The following MECOM variants were observed in gnomAD, a reference collection of about 807,000 sequenced individuals.
MECOM encodes MDS1 and EVI1 complex locus.
MECOM carries 13 observed loss-of-function variants against 116.3 expected under a neutral mutation model. The ratio of observed to expected loss-of-function variants is 0.11; its 90% CI spans 0.07 to 0.18. MECOM has a LOEUF of 0.18. MECOM is among the 10% of genes least tolerant of loss of function. The pLI is 1.00. For missense variants in MECOM, 1,299 were observed against 1,509.0 expected (o/e 0.86, Z 2.31); for synonymous variants, 528 against 535.2 (o/e 0.99, Z 0.19).
intron 2 of MECOM, among the ~76,000 whole-genome samples, chr3:169,150,014 C>T (rs1467074072): frequency 1.3e-5 from 2 of 151,098 alleles, no homozygotes; most frequent in African/African-American, 2.4e-5. Flanking sequence ...TCTCCCTCCC[C>T]TCTCCCCCAC....
At chr3:169,391,146 G>A (rs1477016824) in intron 1 of MECOM, among the ~76,000 whole-genome samples, 1 of 152,116 alleles carries the variant, frequency 6.6e-6, no homozygotes, top group Non-Finnish European at 1.5e-5. Context: ...CTGGTAAAAC[G>A]GAATATGAGC....
chr3:169,160,103 T>C (rs1742626907), intron 2 of MECOM, among the ~76,000 whole-genome samples: 1 of 152,198 alleles, frequency 6.6e-6, no homozygotes, highest in Non-Finnish European at 1.5e-5. Context: ...AACAAATATT[T>C]TGTCCCTTTA....
At position 169,646,624 on chromosome 3, in the gene MECOM, G is replaced by A. The variant is rs79274251; in HGVS notation, c.37+16712C>T. On this transcript the variant is annotated intron_variant, in intron 1 of 16. Coordinates refer to ENST00000651503, the MANE Select transcript of MECOM (RefSeq NM_004991.4). ...AAAACAAAATTGAGGATAAGTGAAC[G>A]AGACTTGGTCTCAAGTATTGTACAA... Among the ~76,000 whole-genome samples the A allele has an allele frequency of 8.3e-3, 1,258 of 151,952 alleles. 36 individuals are homozygous for A. In the East Asian group the frequency reaches 0.089, roughly 11 times the overall value.
chr3:169,097,817 T>TAGAAAAAAAAAAAA (rs1553818439), intron 12 of MECOM, among the ~76,000 whole-genome samples: 1 of 87,194 alleles, frequency 1.1e-5, no homozygotes, highest in African/African-American at 3.9e-5. Flanking sequence ...ACTGTCTATA[T>TAGAAAAAAAAAAAA]AAAAAAAAAA....
chr3:169,458,054 G>A (rs1335500181), intron 1 of MECOM, among the ~76,000 whole-genome samples: 1 of 152,214 alleles, frequency 6.6e-6, no homozygotes, highest in Non-Finnish European at 1.5e-5. Context: ...CTGGGAAAGG[G>A]TAATCAGATC....
At chr3:169,645,710 C>T (rs1414530617) in intron 1 of MECOM, among the ~76,000 whole-genome samples, 1 of 152,260 alleles carries the variant, frequency 6.6e-6, no homozygotes, top group East Asian at 1.9e-4. Context: ...TAAAGACAAC[C>T]CTATGCCTGT....
rs114443270 is a variant in MECOM at position 169,471,383 on chromosome 3, C to T, written c.38-89859G>A. On this transcript the variant is annotated intron_variant, in intron 1 of 16. Transcript: ENST00000651503. ...CTCAGGAAAAAAAAAAAAATTCCTG[C>T]TTTAAATTCTAGACACCTATCCTGT... Among the ~76,000 whole-genome samples, 1,493 of 151,494 alleles carry T rather than the reference C, an allele frequency of 9.9e-3. 28 individuals are homozygous for T. The highest frequency in any genetic ancestry group is 0.035 in the African/African-American group (1,436 of 41,192).
intron 2 of MECOM, among the ~76,000 whole-genome samples, chr3:169,371,370 G>A (rs1046270481): frequency 6.6e-6 from 1 of 151,928 alleles, no homozygotes; most frequent in Non-Finnish European, 1.5e-5. Context: ...GGGGAAATGG[G>A]GAGATGTTGG....
intron 2 of MECOM, among the ~76,000 whole-genome samples, chr3:169,270,111 G>A (rs917947101): frequency 5.3e-5 from 8 of 152,104 alleles, no homozygotes; most frequent in African/African-American, 1.9e-4. Context: ...AAAGGACAAT[G>A]TATAGTAGTT....
Position 169,089,992 on chromosome 3 carries a change from G to T in MECOM, c.3401+8C>A. 1 of 1,611,698 alleles carries T rather than the reference G, an allele frequency of 6.2e-7. No homozygotes were observed. On this transcript the variant is annotated splice_region_variant and intron_variant, in intron 15 of 16. Transcript: ENST00000651503. Reference sequence around the variant, plus strand: ...AGCTTAGTTTCTAAAGTCACCCAAGGTACTCACCTCACTGGGGATGTCTTG... The same window carrying T: ...AGCTTAGTTTCTAAAGTCACCCAAGTTACTCACCTCACTGGGGATGTCTTG...
chr3:169,164,525 G>A (rs781593214), intron 2 of MECOM, among the ~76,000 whole-genome samples: 5 of 152,048 alleles, frequency 3.3e-5, no homozygotes, highest in Non-Finnish European at 7.4e-5. Context: ...AGGGAGAGAG[G>A]CACTTCTTGG....
At chr3:169,250,959 T>C (rs752701841) in intron 2 of MECOM, among the ~76,000 whole-genome samples, 5 of 152,180 alleles carry the variant, frequency 3.3e-5, no homozygotes, top group Non-Finnish European at 7.3e-5. Flanking sequence ...ATAATTTTGG[T>C]AAATTTGCTA....
rs35343157 is a variant in MECOM, at chr3:169,550,820, C to CTTTT, written c.37+112512_37+112515dup. On this transcript the variant is annotated intron_variant, in intron 1 of 16. Transcript: ENST00000651503. ...ATAAATGAGAGACAGGTTCCCTTTC[C>CTTTT]TTTTTTTTTTTTTTTTTTTTTGAGA... Among the ~76,000 whole-genome samples, 95 of 91,680 alleles carry CTTTT rather than the reference C, an allele frequency of 1.0e-3. 3 individuals are homozygous for CTTTT. The highest frequency in any genetic ancestry group is 2.9e-3 in the African/African-American group (73 of 25,026). 60.1% of individuals were successfully genotyped at this position (91,680 alleles called of 152,430 possible). A position where few individuals can be genotyped will look rare whatever the true frequency, so the allele number is the denominator to read the frequency against.
intron 1 of MECOM, among the ~76,000 whole-genome samples, chr3:169,418,720 T>G (rs919204630): frequency 6.6e-6 from 1 of 152,062 alleles, no homozygotes; most frequent in African/African-American, 2.4e-5. Flanking sequence ...AAACACTCAA[T>G]AAACTAGGTA....
At chr3:169,560,165 T>C (rs1344692516) in intron 1 of MECOM, among the ~76,000 whole-genome samples, 1 of 152,182 alleles carries the variant, frequency 6.6e-6, no homozygotes, top group Admixed American at 6.5e-5. Flanking sequence ...TGTTTAAGAA[T>C]CAGTAAAATT....
At chr3:169,544,701 C>T (rs1576803712) in intron 1 of MECOM, among the ~76,000 whole-genome samples, 1 of 152,212 alleles carries the variant, frequency 6.6e-6, no homozygotes. Context: ...TAAAAAAGAA[C>T]GAGATCATGT....
At chr3:169,558,556 C>G (rs1026557766) in intron 1 of MECOM, among the ~76,000 whole-genome samples, 1 of 152,206 alleles carries the variant, frequency 6.6e-6, no homozygotes, top group Non-Finnish European at 1.5e-5. Context: ...TGGCACAAAT[C>G]TCCTTTGTTG....
intron 2 of MECOM, among the ~76,000 whole-genome samples, chr3:169,374,638 A>G (rs537725864): frequency 1.3e-5 from 2 of 152,078 alleles, no homozygotes; most frequent in African/African-American, 4.8e-5. Context: ...TTGTCTCATA[A>G]TGGCTATCTT....
chr3:169,663,563 T>C lies in MECOM; in HGVS notation c.-191A>G, dbSNP rs1560554550. 2 of 605,166 alleles carry C rather than the reference T, an allele frequency of 3.3e-6. No individual in the cohort carries two copies. Among genetic ancestry groups the C allele is most frequent in the Non-Finnish European group, 5.9e-6 (2 of 340,710 alleles). 37.5% of individuals were successfully genotyped at this position (605,166 alleles called of 1,614,324 possible). A position where few individuals can be genotyped will look rare whatever the true frequency, so the allele number is the denominator to read the frequency against. On this transcript the variant is annotated 5_prime_UTR_variant, in exon 1 of 17. Transcript: ENST00000651503. ...CCTGTTTCTCTCCTGTTTCTCTCTC[T>C]CTTCCACACACTCACTCTCTGTATT... is the stretch of plus-strand genomic sequence containing the variant.
Sources: gnomAD v4.1 joint callset for allele counts (sites outside exome capture counted in the v4.1 genomes callset) on GRCh38, gnomAD v4.1.1 for gene constraint, MANE v1.5 for transcripts, NCBI Gene and HGNC (gene_info 2026-07-23, HGNC 2026-07-21) for gene names.